ACYP2: variants seen among roughly 807,000 people sequenced by gnomAD.
ACYP2 encodes acylphosphatase 2, also known as acylphosphatase-2.
In ACYP2, 12 loss-of-function variants were observed where a neutral mutation model predicts 11.2. The observed-to-expected ratio is 1.08, with a 90% CI of 0.69 to 1.74. The LOEUF (loss-of-function observed/expected upper bound fraction) is 1.74. Among genes scored for constraint, ACYP2 ranks in the 40% most tolerant of loss-of-function variants. The probability of loss-of-function intolerance (pLI) is 0.00; values close to 1 mark genes in which losing one functional copy is unlikely to be tolerated. For synonymous variants in ACYP2, 43 were observed against 32.2 expected (o/e 1.33, Z -1.13); for missense variants, 134 against 101.9 (o/e 1.31, Z -1.35).
chr2:54,291,120 C>T (rs1384981145), intron 6 of ACYP2, among the ~76,000 whole-genome samples: 1 of 152,192 alleles, frequency 6.6e-6, no homozygotes, highest in African/African-American at 2.4e-5. Flanking sequence ...CTGAGGTCCC[C>T]AAAGCACTTT....
chr2:54,219,459 A>G (rs1186323471), intron 6 of ACYP2, among the ~76,000 whole-genome samples: 1 of 152,198 alleles, frequency 6.6e-6, no homozygotes, highest in Non-Finnish European at 1.5e-5. Context: ...TTGTTCAAAC[A>G]AGCAAATCTA....
At chr2:54,263,020 T>A (rs997895944) in intron 6 of ACYP2, among the ~76,000 whole-genome samples, 6 of 152,154 alleles carry the variant, frequency 3.9e-5, no homozygotes, top group Non-Finnish European at 8.8e-5. Context: ...GGAGTTTGTG[T>A]CCAGCGTGGA....
chr2:54,161,968 A>C (rs1022989046), intron 6 of ACYP2, among the ~76,000 whole-genome samples: 2 of 152,130 alleles, frequency 1.3e-5, no homozygotes, highest in African/African-American at 4.8e-5. Context: ...AAAACATTAA[A>C]AATTTTATAA....
chr2:54,200,322 C>T (rs1379912333), intron 6 of ACYP2, among the ~76,000 whole-genome samples: 1 of 152,066 alleles, frequency 6.6e-6, no homozygotes, highest in Non-Finnish European at 1.5e-5. Context: ...TACTTGCCCT[C>T]ATCATATACA....
In ACYP2 at chr2:54,066,226, AG is replaced by A. The variant is rs537920702; in HGVS notation, c.277+8869del. On this transcript the variant is annotated intron_variant, in intron 4 of 6. Transcript: ENST00000607452. ...TCCTCATGCTGTTCCCATGATAGTG[AG>A]GGAGTTTTCACGTGATCTGATGGTT... 2.6e-3 allele frequency among the ~76,000 whole-genome samples: 395 copies of A among 152,254 alleles called. 1 individual carries two copies. Among genetic ancestry groups the A allele is most frequent in the African/African-American group, 9.1e-3 (377 of 41,536 alleles).
chr2:54,280,739 G>T (rs1350759381), intron 6 of ACYP2, among the ~76,000 whole-genome samples: 1 of 152,214 alleles, frequency 6.6e-6, no homozygotes, highest in Non-Finnish European at 1.5e-5. Context: ...TGGAGGAGTT[G>T]TCTTGGAAGC....
chr2:54,154,145 C>A (rs533704194), intron 6 of ACYP2, among the ~76,000 whole-genome samples: 123 of 151,826 alleles, frequency 8.1e-4, no homozygotes, highest in Non-Finnish European at 1.6e-3. Flanking sequence ...CTGATTTTTG[C>A]GTGTTGACTT....
intron 6 of ACYP2, among the ~76,000 whole-genome samples, chr2:54,141,717 G>A (rs1572847216): frequency 6.6e-6 from 1 of 151,756 alleles, no homozygotes; most frequent in Non-Finnish European, 1.5e-5. Context: ...GCTTTCTTGG[G>A]CATTTGTTTC....
At chr2:54,178,169 T>C (rs1326913548) in intron 6 of ACYP2, among the ~76,000 whole-genome samples, 1 of 152,186 alleles carries the variant, frequency 6.6e-6, no homozygotes, top group East Asian at 1.9e-4. Flanking sequence ...ATGATTTTTA[T>C]TGGCCATGTA....
intron 6 of ACYP2, among the ~76,000 whole-genome samples, chr2:54,242,080 C>T (rs1193481852): frequency 4.6e-5 from 7 of 152,038 alleles, no homozygotes; most frequent in African/African-American, 1.2e-4. Context: ...TTATAATACG[C>T]GTAGTAAAAG....
rs374609376 is a variant in ACYP2, at chr2:54,255,792, C to T, written c.405-48896C>T. Reference sequence around the variant, plus strand: ...GAGCCTTCTCCCCACCTAGGCCGTGCGTCTCTTCACCCGGAAAGCCATTTT... The same window carrying T: ...GAGCCTTCTCCCCACCTAGGCCGTGTGTCTCTTCACCCGGAAAGCCATTTT... On this transcript the variant is annotated intron_variant, in intron 6 of 6. Transcript: ENST00000607452. 1.3e-4 allele frequency: 207 copies of T among 1,613,794 alleles called. No individual in the cohort carries two copies. In the African/African-American group the frequency reaches 2.6e-3, roughly 20 times the overall value.
chr2:54,129,725 A>G (rs1330946230), intron 4 of ACYP2, among the ~76,000 whole-genome samples: 1 of 149,868 alleles, frequency 6.7e-6, no homozygotes, highest in Non-Finnish European at 1.5e-5. Flanking sequence ...ACTAGAATCA[A>G]CATAGAATTC....
At chr2:54,239,589 A>T (rs1424794114) in intron 6 of ACYP2, among the ~76,000 whole-genome samples, 3 of 152,174 alleles carry the variant, frequency 2.0e-5, no homozygotes, top group Non-Finnish European at 2.9e-5. Context: ...GAGCCAGAGG[A>T]GTATTTGAGG....
At chr2:54,141,137 T>C (rs1237736481) in intron 6 of ACYP2, among the ~76,000 whole-genome samples, 1 of 152,234 alleles carries the variant, frequency 6.6e-6, no homozygotes, top group African/African-American at 2.4e-5. Context: ...CATTTTTCTA[T>C]CGAGTTGCTT....
rs181352539 is a variant in ACYP2, at chr2:54,196,599, C to T, written c.404+57851C>T. Among the ~76,000 whole-genome samples the T allele has an allele frequency of 2.0e-5, 3 of 152,318 alleles. No individual in the cohort carries two copies. The East Asian group carries it at 5.8e-4, about 29-fold the overall frequency. On this transcript the variant is annotated intron_variant, in intron 6 of 6. Transcript: ENST00000607452. ...GGATACTGTGCTAGATAGGGATTCT[C>T]AGCTTTGGTGCTATTGGCATTTGGG... is the stretch of plus-strand genomic sequence containing the variant.
intron 4 of ACYP2, among the ~76,000 whole-genome samples, chr2:54,091,754 C>T (rs1175886644): frequency 6.6e-6 from 1 of 152,074 alleles, no homozygotes; most frequent in Non-Finnish European, 1.5e-5. Context: ...TCAAGTGATC[C>T]ACCCGTCTCG....
At chr2:54,100,836 T>C (rs563814112) in intron 4 of ACYP2, among the ~76,000 whole-genome samples, 2 of 152,216 alleles carry the variant, frequency 1.3e-5, no homozygotes, top group Non-Finnish European at 2.9e-5. Flanking sequence ...CTTCTATGAA[T>C]GGGAAATGAG....
At position 54,052,289 on chromosome 2, in the gene ACYP2, A is replaced by AT. The variant is rs1553362169; in HGVS notation, c.155+1245dup. 2.0e-5 allele frequency among the ~76,000 whole-genome samples: 3 copies of AT among 152,208 alleles called. 1 individual carries two copies. The South Asian group carries it at 6.2e-4, about 32-fold the overall frequency. On this transcript the variant is annotated intron_variant, in intron 3 of 6. Transcript: ENST00000607452. ...ATTTATTTTTAAACTATACCGTGTC[A>AT]TTTTTTGTATGGTAAACACACTACT...
chr2:53,985,516 A>T (rs573246452), intron 2 of ACYP2, among the ~76,000 whole-genome samples: 2 of 152,288 alleles, frequency 1.3e-5, no homozygotes, highest in South Asian at 4.1e-4. Flanking sequence ...TCTCCAAAAG[A>T]TATCTACTTA....
Sources: allele counts gnomAD v4.1 joint callset (sites outside exome capture counted in the v4.1 genomes callset), GRCh38; gene constraint gnomAD v4.1.1; transcripts MANE v1.5; gene names NCBI Gene and HGNC (gene_info 2026-07-23, HGNC 2026-07-21).